The following LINC00305 variants were observed in gnomAD, a reference collection of about 807,000 sequenced individuals.
The protein encoded by LINC00305 is long intergenic non-protein coding RNA 305.
intron 3 of LINC00305, among the ~76,000 whole-genome samples, chr18:64,094,936 G>A (rs2051239537): frequency 6.6e-6 from 1 of 151,424 alleles, no homozygotes; most frequent in Non-Finnish European, 1.5e-5. Flanking sequence ...CTCCCAAGAA[G>A]CCTCAATCTG....
At chr18:64,104,609 C>G (rs1009083071) in intron 1 of LINC00305, among the ~76,000 whole-genome samples, 1 of 152,182 alleles carries the variant, frequency 6.6e-6, no homozygotes, top group Non-Finnish European at 1.5e-5. Flanking sequence ...ATTTATTGTA[C>G]AGCAGATTTT....
Position 64,096,028 on chromosome 18 carries a change from C to T in LINC00305, n.540+1806G>A, listed in dbSNP as rs1430522665. Among the ~76,000 whole-genome samples, 4 of 151,514 alleles carry T rather than the reference C, an allele frequency of 2.6e-5. No individual in the cohort carries two copies. The East Asian group carries it at 7.7e-4, about 29-fold the overall frequency. On this transcript the variant is annotated intron_variant and non_coding_transcript_variant, in intron 3 of 3. Coordinates refer to ENST00000666468, the Ensembl canonical transcript of LINC00305. ...ATTCTCACAGAGTTCTGTAATGGTC[C>T]TGATAAAAAAAAATATTAAAAAATG...
At chr18:64,143,493 GTA>G in intron 1 of LINC00305, among the ~76,000 whole-genome samples, 1 of 139,652 alleles carries the variant, frequency 7.2e-6, no homozygotes, top group African/African-American at 2.8e-5. Context: ...GTGTGTGTGT[GTA>G]TATATATATG....
At chr18:64,090,017 G>A (rs1003729759) in intron 3 of LINC00305, among the ~76,000 whole-genome samples, 1 of 152,122 alleles carries the variant, frequency 6.6e-6, no homozygotes, top group African/African-American at 2.4e-5. Context: ...TAGGCAGAGG[G>A]GAAAATACTT....
intron 1 of LINC00305, among the ~76,000 whole-genome samples, chr18:64,133,855 G>A (rs575402269): frequency 1.2e-4 from 18 of 152,104 alleles, no homozygotes; most frequent in African/African-American, 2.7e-4. Context: ...ATCTATTATC[G>A]TTCTTTTCTG....
chr18:64,138,213 T>A (rs1411160211), intron 1 of LINC00305, among the ~76,000 whole-genome samples: 1 of 152,146 alleles, frequency 6.6e-6, no homozygotes, highest in African/African-American at 2.4e-5. Flanking sequence ...AATGGAAAAT[T>A]GATCAGTAAG....
chr18:64,103,187 T>A (rs1340999630), intron 1 of LINC00305, among the ~76,000 whole-genome samples: 2 of 152,248 alleles, frequency 1.3e-5, no homozygotes, highest in Non-Finnish European at 2.9e-5. Context: ...TATATACATT[T>A]GTCCACGTGT....
intron 1 of LINC00305, among the ~76,000 whole-genome samples, chr18:64,141,052 TAAAAAAAAAAAAAAAA>T (rs34175314): frequency 1.0e-5 from 1 of 96,332 alleles, no homozygotes; most frequent in Non-Finnish European, 1.9e-5. Context: ...GCCTGAATGA[TAAAAAAAAAAAAAAAA>T]AAAAAAAAAT....
chr18:64,126,731 A>G (rs1374028756), intron 1 of LINC00305, among the ~76,000 whole-genome samples: 1 of 152,120 alleles, frequency 6.6e-6, no homozygotes, highest in Middle Eastern at 3.2e-3. Flanking sequence ...CTGTAGTTTC[A>G]TGTTGCTTAC....
chr18:64,110,746 C>T (rs901839242), intron 1 of LINC00305, among the ~76,000 whole-genome samples: 72 of 152,060 alleles, frequency 4.7e-4, no homozygotes, highest in African/African-American at 1.7e-3. Flanking sequence ...GTAAGAAATG[C>T]AGAATAAAAT....
chr18:64,141,052 TAAAAAAAAAA>T (rs34175314), intron 1 of LINC00305, among the ~76,000 whole-genome samples: 1 of 96,332 alleles, frequency 1.0e-5, no homozygotes. Context: ...GCCTGAATGA[TAAAAAAAAAA>T]AAAAAAAAAA....
chr18:64,137,824 C>T (rs2051442231), intron 1 of LINC00305, among the ~76,000 whole-genome samples: 1 of 150,920 alleles, frequency 6.6e-6, no homozygotes, highest in African/African-American at 2.4e-5. Flanking sequence ...TAAACACAAG[C>T]CATTAAATAA....
chr18:64,088,142 G>GAAAAAAAA (rs375712817), intron 3 of LINC00305, among the ~76,000 whole-genome samples: 4 of 142,684 alleles, frequency 2.8e-5, no homozygotes, highest in East Asian at 2.0e-4. Flanking sequence ...TCCGTATCAG[G>GAAAAAAAA]AAAAAAAAAA....
rs780361977 is a variant in LINC00305, at chr18:64,094,887, T to TAAATAAATAAATAAA, written n.540+2946_540+2947insTTTATTTATTTATTT. The stretch of plus-strand genomic sequence containing the variant: ...AATAAATAAATAAATAAATAAATAA[T>TAAATAAATAAATAAA]AAAATAAAATAAAAGAATTTCTTTC... On this transcript the variant is annotated intron_variant and non_coding_transcript_variant, in intron 3 of 3. Transcript: ENST00000666468. Among the ~76,000 whole-genome samples, 681 of 114,664 alleles carry TAAATAAATAAATAAA rather than the reference T, an allele frequency of 5.9e-3. 9 individuals carry two copies. Among genetic ancestry groups the TAAATAAATAAATAAA allele is most frequent in the East Asian group, 0.029 (139 of 4,720 alleles). The allele number at this position is 114,664 out of a possible 152,430, so 75.2% of individuals were successfully genotyped here. A position where few individuals can be genotyped will look rare whatever the true frequency, so the allele number is the denominator to read the frequency against.
At chr18:64,118,665 G>A (rs750520704) in intron 1 of LINC00305, among the ~76,000 whole-genome samples, 8 of 152,018 alleles carry the variant, frequency 5.3e-5, no homozygotes, top group Non-Finnish European at 7.4e-5. Flanking sequence ...ATACTCAAAT[G>A]TACATAAATT....
chr18:64,096,999 T>G (rs540391939), intron 3 of LINC00305, among the ~76,000 whole-genome samples: 1 of 151,962 alleles, frequency 6.6e-6, no homozygotes, highest in East Asian at 1.9e-4. Flanking sequence ...ATTAATAAAT[T>G]TAGTAAATAT....
intron 3 of LINC00305, among the ~76,000 whole-genome samples, chr18:64,083,515 G>T (rs996770850): frequency 6.6e-6 from 1 of 152,196 alleles, no homozygotes; most frequent in African/African-American, 2.4e-5. Flanking sequence ...AAACAGCCAA[G>T]AGAAAAAGTA....
chr18:64,103,630 C>T (rs559556554), intron 1 of LINC00305, among the ~76,000 whole-genome samples: 76 of 152,290 alleles, frequency 5.0e-4, no homozygotes, highest in African/African-American at 1.8e-3. Context: ...ACCCTACTTT[C>T]TCTCTTCTCA....
intron 3 of LINC00305, among the ~76,000 whole-genome samples, chr18:64,091,186 GT>G (rs1253053293): frequency 6.6e-6 from 1 of 152,220 alleles, no homozygotes; most frequent in African/African-American, 2.4e-5. Flanking sequence ...TTGAAAGCAA[GT>G]TCTGGTTCAA....
Sources: allele counts gnomAD v4.1 joint callset (sites outside exome capture counted in the v4.1 genomes callset), GRCh38; gene constraint gnomAD v4.1.1; transcripts MANE v1.5; gene names NCBI Gene and HGNC (gene_info 2026-07-23, HGNC 2026-07-21).